NEGR1: variants seen among roughly 807,000 people sequenced by gnomAD.
The protein encoded by NEGR1 is neuronal growth regulator 1, also known as IgLON family member 4.
In NEGR1, 10 loss-of-function variants were observed where a neutral mutation model predicts 40.9. The observed-to-expected ratio is 0.24, with a 90% CI of 0.15 to 0.42. The LOEUF (loss-of-function observed/expected upper bound fraction) is 0.42, where lower values mean the gene tolerates loss of function less well. Ranked by LOEUF, NEGR1 falls within the 10% of genes least tolerant of loss-of-function variation. The probability of loss-of-function intolerance (pLI) is 1.00; values close to 1 mark genes in which losing one functional copy is unlikely to be tolerated. For synonymous variants in NEGR1, 185 were observed against 166.8 expected (o/e 1.11, Z -0.84); for missense variants, 352 against 438.9 (o/e 0.80, Z 1.77).
intron 3 of NEGR1, among the ~76,000 whole-genome samples, chr1:71,767,849 C>G (rs529761633): frequency 6.6e-6 from 1 of 152,328 alleles, no homozygotes; most frequent in East Asian, 1.9e-4. Flanking sequence ...TGCATCCCAG[C>G]AACTCCAGCT....
chr1:71,776,069 T>C, intron 3 of NEGR1, 103 bp downstream of exon 3: 4 of 577,142 alleles, frequency 6.9e-6, no homozygotes, highest in Non-Finnish European at 1.1e-5. Context: ...ATGAATAAAA[T>C]ACAAAAAATT....
chr1:71,924,091 G>A (rs996209245), intron 2 of NEGR1, among the ~76,000 whole-genome samples: 8 of 152,044 alleles, frequency 5.3e-5, no homozygotes, highest in Admixed American at 3.9e-4. Flanking sequence ...GGGTCTCCCC[G>A]TGTTGTCCAG....
chr1:71,642,649 G>T (rs1651393543), intron 4 of NEGR1, among the ~76,000 whole-genome samples: 1 of 151,738 alleles, frequency 6.6e-6, no homozygotes, highest in Non-Finnish European at 1.5e-5. Flanking sequence ...ACAAATCAAT[G>T]AAGGAAGTAC....
At position 71,404,350 on chromosome 1, in the gene NEGR1, T is replaced by C. The variant is rs971596051; in HGVS notation, c.*3096A>G. 6.6e-6 allele frequency: 1 copy of C among 152,088 alleles called. No homozygotes were observed. The highest frequency in any genetic ancestry group is 1.5e-5 in the Non-Finnish European group (1 of 67,678). 9.4% of individuals were successfully genotyped at this position (152,088 alleles called of 1,614,324 possible). On this transcript the variant is annotated 3_prime_UTR_variant, in exon 7 of 7. Coordinates refer to ENST00000357731, the MANE Select transcript of NEGR1 (RefSeq NM_173808.3). ...TGTCTCAAAAACACCCACATTACTA[T>C]AACTTGGGCAGTACTTTTTATTATA... is the stretch of plus-strand genomic sequence containing the variant.
At chr1:71,676,827 G>T (rs1342394653) in intron 4 of NEGR1, among the ~76,000 whole-genome samples, 1 of 152,134 alleles carries the variant, frequency 6.6e-6, no homozygotes, top group Non-Finnish European at 1.5e-5. Flanking sequence ...AGTGAAGGAG[G>T]ACATTTTAAG....
intron 1 of NEGR1, among the ~76,000 whole-genome samples, chr1:72,214,382 A>G (rs1653721262): frequency 1.3e-5 from 2 of 152,146 alleles, no homozygotes; most frequent in Non-Finnish European, 2.9e-5. Flanking sequence ...CAGGCAAGAG[A>G]ATGAAATAAA....
At chr1:71,907,985 A>T (rs180976531) in intron 2 of NEGR1, among the ~76,000 whole-genome samples, 1,924 of 152,200 alleles carry the variant, frequency 0.013, 15 homozygotes, top group Middle Eastern at 0.02. Context: ...GCAACAATAG[A>T]CACGGGGGTC....
Position 71,407,229 on chromosome 1 carries a change from A to C in NEGR1, c.*217T>G. On this transcript the variant is annotated 3_prime_UTR_variant, in exon 7 of 7. Transcript: ENST00000357731. ...TAATTTCAGAGCTTTCACGTCTTAA[A>C]AAAAGGACAATGTGTACTGCTTCAC... 5.3e-6 allele frequency: 2 copies of C among 374,710 alleles called. No individual in the cohort carries two copies. The highest frequency in any genetic ancestry group is 9.7e-6 in the Non-Finnish European group (2 of 205,246). 23.2% of individuals were successfully genotyped at this position (374,710 alleles called of 1,614,324 possible).
chr1:71,534,068 A>C (rs1197482750), intron 6 of NEGR1, among the ~76,000 whole-genome samples: 1 of 151,654 alleles, frequency 6.6e-6, no homozygotes, highest in African/African-American at 2.4e-5. Flanking sequence ...CTTATGTAAA[A>C]TCTTGCCTTG....
At chr1:71,759,942 G>A (rs1452843636) in intron 3 of NEGR1, among the ~76,000 whole-genome samples, 1 of 151,850 alleles carries the variant, frequency 6.6e-6, no homozygotes, top group Non-Finnish European at 1.5e-5. Context: ...CTCCTAACTT[G>A]TTTAGTTATA....
At chr1:71,895,143 A>G (rs1345796167) in intron 2 of NEGR1, among the ~76,000 whole-genome samples, 1 of 152,102 alleles carries the variant, frequency 6.6e-6, no homozygotes, top group African/African-American at 2.4e-5. Flanking sequence ...TTTAGGAGCT[A>G]TTTTATTATC....
At chr1:71,713,740 C>A (rs956632003) in intron 3 of NEGR1, among the ~76,000 whole-genome samples, 1 of 152,112 alleles carries the variant, frequency 6.6e-6, no homozygotes, top group African/African-American at 2.4e-5. Context: ...CTTGACAATG[C>A]AAGACAGCAT....
intron 1 of NEGR1, among the ~76,000 whole-genome samples, chr1:72,103,454 G>T (rs1244141753): frequency 6.6e-6 from 1 of 152,020 alleles, no homozygotes; most frequent in Non-Finnish European, 1.5e-5. Flanking sequence ...ACTTTATTTA[G>T]TAAGGAAAAT....
At chr1:71,915,961 C>T (rs1418281031) in intron 2 of NEGR1, among the ~76,000 whole-genome samples, 1 of 152,086 alleles carries the variant, frequency 6.6e-6, no homozygotes, top group Admixed American at 6.6e-5. Context: ...ATTAATCCTA[C>T]TTAGAGGGAA....
intron 3 of NEGR1, among the ~76,000 whole-genome samples, chr1:71,732,967 C>T (rs1413852450): frequency 6.6e-6 from 1 of 152,026 alleles, no homozygotes; most frequent in Admixed American, 6.6e-5. Context: ...CACATAATTC[C>T]TTATTACTGG....
At chr1:71,467,452 G>C (rs1214928414) in intron 6 of NEGR1, among the ~76,000 whole-genome samples, 3 of 151,960 alleles carry the variant, frequency 2.0e-5, no homozygotes, top group African/African-American at 7.2e-5. Context: ...TATACTAAAG[G>C]ATTCCTTCAT....
At chr1:71,622,685 C>T (rs1468356514) in intron 4 of NEGR1, among the ~76,000 whole-genome samples, 1 of 151,770 alleles carries the variant, frequency 6.6e-6, no homozygotes, top group African/African-American at 2.4e-5. Context: ...GAGCCAGGCT[C>T]ATATATACAT....
At chr1:71,945,169 A>G (rs1025453482) in intron 1 of NEGR1, among the ~76,000 whole-genome samples, 9 of 152,150 alleles carry the variant, frequency 5.9e-5, no homozygotes, top group African/African-American at 2.2e-4. Flanking sequence ...CTTGTGTACT[A>G]GGCCTGGAAC....
chr1:72,247,997 G>T (rs1014347711), intron 1 of NEGR1, among the ~76,000 whole-genome samples: 4 of 151,992 alleles, frequency 2.6e-5, no homozygotes, highest in African/African-American at 9.7e-5. Context: ...AAGCAGGAGC[G>T]AGAGTGTGCG....
Sources: gnomAD v4.1 joint callset for allele counts (sites outside exome capture counted in the v4.1 genomes callset) on GRCh38, gnomAD v4.1.1 for gene constraint, MANE v1.5 for transcripts, NCBI Gene and HGNC (gene_info 2026-07-23, HGNC 2026-07-21) for gene names.